SUMF2: variants seen among roughly 807,000 people sequenced by gnomAD.
SUMF2 encodes the protein inactive C-alpha-formylglycine-generating enzyme 2.
A neutral mutation model predicts 44.8 loss-of-function variants in SUMF2; 45 were observed. The observed-to-expected ratio is 1.00, with a 90% CI of 0.79 to 1.29. The LOEUF (loss-of-function observed/expected upper bound fraction) is 1.29, where lower values mean the gene tolerates loss of function less well. Ranked by LOEUF, SUMF2 falls within the 50% of genes most tolerant of loss-of-function variation. The pLI is 0.00. For missense variants in SUMF2, 418 were observed against 389.9 expected, an observed-to-expected ratio of 1.07 and a Z score of -0.61; for synonymous variants, 148 against 150.4, an observed-to-expected ratio of 0.98 and a Z score of 0.12.
At position 56,080,054 on chromosome 7, in the gene SUMF2, T is replaced by G. The variant is rs1795876387; in HGVS notation, c.*442T>G. On this transcript the variant is annotated 3_prime_UTR_variant, in exon 9 of 9. Transcript: ENST00000434526. ...CCAGTTGCTGTGGAAGGAGAATGCT[T>G]TCTTTGTGGCCTCATCTGTGGTTTC... 6.3e-6 allele frequency: 4 copies of G among 632,778 alleles called. No individual in the cohort carries two copies. The Admixed American group carries it at 1.2e-4, about 19-fold the overall frequency. 39.2% of individuals were successfully genotyped at this position (632,778 alleles called of 1,614,324 possible).
chr7:56,081,558 C>A, downstream of SUMF2: 1 of 1,559,830 alleles, frequency 6.4e-7, no homozygotes, highest in Admixed American at 1.7e-5. The surrounding 1 kb of genome is among the most constrained non-coding windows in gnomAD (Gnocchi z 4.6). Flanking sequence ...GGTGTAAGGA[C>A]TCCTGGGAGA....
downstream of SUMF2, among the ~76,000 whole-genome samples, chr7:56,082,798 A>G (rs1452012629): frequency 6.6e-6 from 1 of 151,874 alleles, no homozygotes; most frequent in Non-Finnish European, 1.5e-5. Flanking sequence ...AACCTGGGAG[A>G]GGACTTACCT....
chr7:56,068,565 G>GA lies in SUMF2; in HGVS notation c.152dup (p.Asp51GlufsTer38). ...AAATTCTCCAGACAGCAGAGATGGT[G>GA]ACGGGCCTGTGCGGGAGGCGACAGT... On this transcript the variant is annotated frameshift_variant, in exon 2 of 9. Transcript: ENST00000434526. LOFTEE classifies it high-confidence loss of function. The GA allele has an allele frequency of 1.2e-6, 2 of 1,614,078 alleles. No homozygotes were observed. The highest frequency in any genetic ancestry group is 1.7e-6 in the Non-Finnish European group (2 of 1,180,002).
downstream of SUMF2, chr7:56,081,907 TGTCCGA>T (rs774424794): frequency 6.2e-7 from 1 of 1,613,546 alleles, no homozygotes; most frequent in Non-Finnish European, 8.5e-7. This position sits in a 1 kb window ranked among gnomAD's most constrained non-coding sequence, Gnocchi z 4.6. Flanking sequence ...TCCTTCACGG[TGTCCGA>T]GTAATCATCC....
intron 1 of SUMF2, among the ~76,000 whole-genome samples, chr7:56,066,612 T>C (rs1452923808): frequency 6.6e-6 from 1 of 152,016 alleles, no homozygotes; most frequent in East Asian, 1.9e-4. Context: ...CATACCTGGC[T>C]TATTTTTGGT....
downstream of SUMF2, chr7:56,083,061 G>A (rs1796088830): frequency 2.1e-6 from 1 of 476,972 alleles, no homozygotes; most frequent in South Asian, 2.6e-5. Flanking sequence ...AGCCGAGATT[G>A]TGCCACTGCA....
At chr7:56,081,184 C>A (rs373447305), downstream of SUMF2, 1 of 1,613,770 alleles carries the variant, frequency 6.2e-7, no homozygotes, top group African/African-American at 1.3e-5. This position sits in a 1 kb window ranked among gnomAD's most constrained non-coding sequence, Gnocchi z 4.6. Flanking sequence ...GTCGATGAGC[C>A]GGCGCAGAGG....
chr7:56,084,229 A>G, downstream of SUMF2: 1 of 1,529,994 alleles, frequency 6.5e-7, no homozygotes, highest in Non-Finnish European at 8.8e-7. Flanking sequence ...TCTCCATTGT[A>G]TCAGTGTCTT....
intron 1 of SUMF2, among the ~76,000 whole-genome samples, chr7:56,065,961 G>C (rs888311873): frequency 4.2e-4 from 64 of 151,414 alleles, no homozygotes; most frequent in Non-Finnish European, 8.0e-4. Context: ...GGCGCCTGTA[G>C]TCCCAGCTAT....
At chr7:56,072,747 CAAAT>C (rs769958616) in intron 2 of SUMF2, among the ~76,000 whole-genome samples, 51 of 146,272 alleles carry the variant, frequency 3.5e-4, no homozygotes, top group Non-Finnish European at 6.1e-4. Flanking sequence ...AATAAACAAA[CAAAT>C]AAAATAAAAA....
At chr7:56,081,954 C>T (rs746142464), downstream of SUMF2, 1 of 1,613,936 alleles carries the variant, frequency 6.2e-7, no homozygotes, top group Non-Finnish European at 8.5e-7. The surrounding 1 kb of genome is among the most constrained non-coding windows in gnomAD (Gnocchi z 4.6). Flanking sequence ...GTAGTTGCCG[C>T]TCATGATCAT....
At position 56,074,577 on chromosome 7, in the gene SUMF2, G is replaced by C. The variant is rs1403617305; in HGVS notation, c.385-9G>C. The C allele has an allele frequency of 6.2e-7, 1 of 1,613,686 alleles. No homozygotes were observed. The highest frequency in any genetic ancestry group is 8.5e-7 in the Non-Finnish European group (1 of 1,179,776). On this transcript the variant is annotated splice_polypyrimidine_tract_variant and intron_variant, in intron 4 of 8. Coordinates refer to ENST00000434526, the MANE Select transcript of SUMF2 (RefSeq NM_015411.4). ...CCGGAAGCCTGTCTCACTTAATCCT[G>C]GCTGTCAGCCTGCAGGTCCTGGCTC...
chr7:56,077,511 A>G (rs1193810747), intron 6 of SUMF2, among the ~76,000 whole-genome samples: 4 of 151,228 alleles, frequency 2.6e-5, no homozygotes, highest in Non-Finnish European at 2.9e-5. Context: ...AAAATAAAAG[A>G]TGAGCTGGGC....
At position 56,065,256 on chromosome 7, in the gene SUMF2, A is replaced by C. The variant is rs193297205; in HGVS notation, c.67+878A>C. Among the ~76,000 whole-genome samples, 152 of 150,840 alleles carry C rather than the reference A, an allele frequency of 1.0e-3. 1 individual carries two copies. The highest frequency in any genetic ancestry group is 9.0e-3 in the Admixed American group (137 of 15,142). Reference sequence around the variant, plus strand: ...CGAGGAACGACCCCCGCCCCCACGTACTCGGCCAGCTTAAATAGCTGCCAG... The same window carrying C: ...CGAGGAACGACCCCCGCCCCCACGTCCTCGGCCAGCTTAAATAGCTGCCAG... On this transcript the variant is annotated intron_variant, in intron 1 of 8. Transcript: ENST00000434526.
At chr7:56,084,133 GC>G (rs1584624060), downstream of SUMF2, 2 of 1,420,510 alleles carry the variant, frequency 1.4e-6, no homozygotes, top group East Asian at 2.5e-5. Flanking sequence ...CGAGCTGGTG[GC>G]CCTGTGAGCA....
At chr7:56,077,157 C>G (rs1428396942) in intron 6 of SUMF2, among the ~76,000 whole-genome samples, 1 of 151,370 alleles carries the variant, frequency 6.6e-6, no homozygotes, top group Non-Finnish European at 1.5e-5. Context: ...AGCGATTCTC[C>G]TGCCCCAGTC....
At chr7:56,081,639 C>T (rs1051312547), downstream of SUMF2, 3 of 1,613,408 alleles carry the variant, frequency 1.9e-6, no homozygotes, top group Non-Finnish European at 1.7e-6. This position sits in a 1 kb window ranked among gnomAD's most constrained non-coding sequence, Gnocchi z 4.6. Context: ...CCTTGAACTT[C>T]CCCCGGGGGC....
chr7:56,085,399 A>G (rs1233152726), downstream of SUMF2, among the ~76,000 whole-genome samples: 1 of 152,186 alleles, frequency 6.6e-6, no homozygotes, highest in Non-Finnish European at 1.5e-5. Context: ...TGCCTGGCCC[A>G]TGATAAGTCT....
At chr7:56,083,120 AG>A (rs1796095694), downstream of SUMF2, 3 of 642,444 alleles carry the variant, frequency 4.7e-6, no homozygotes, top group Non-Finnish European at 5.2e-6. Context: ...AAAAAAAAAA[AG>A]AAAGAAAAAG....
Sources: gnomAD v4.1 joint callset for allele counts (sites outside exome capture counted in the v4.1 genomes callset) on GRCh38, gnomAD v4.1.1 for gene constraint, Gnocchi (gnomAD v3.1) non-coding constraint, MANE v1.5 for transcripts, NCBI Gene and HGNC (gene_info 2026-07-23, HGNC 2026-07-21) for gene names.